MYH10: variants seen among roughly 807,000 people sequenced by gnomAD.
MYH10 encodes the protein myosin-10.
Under a neutral mutation model 257.8 loss-of-function variants are expected in MYH10, and 55 were observed. The observed-to-expected ratio is 0.21, with a 90% CI of 0.17 to 0.27. The LOEUF (loss-of-function observed/expected upper bound fraction) is 0.27. Among genes scored for constraint, MYH10 ranks in the 10% least tolerant of loss-of-function variants. The pLI, the probability that MYH10 is intolerant of heterozygous loss-of-function variation, is 1.00. For missense variants in MYH10, 1,631 were observed against 2,500.6 expected (o/e 0.65, Z 7.42); for synonymous variants, 854 against 921.7 (o/e 0.93, Z 1.33).
chr17:8,612,809 C>T (rs1268856270), intron 2 of MYH10, among the ~76,000 whole-genome samples: 3 of 151,468 alleles, frequency 2.0e-5, no homozygotes, highest in Admixed American at 6.6e-5. Flanking sequence ...GAGATTGCAC[C>T]GTTGCACTCC....
In MYH10 at chr17:8,573,506, T is replaced by C. The variant is rs189930718; in HGVS notation, c.663+3137A>G. ...AGTGGGCTGGCTTGAAGGTATCATT[T>C]GTAGGGGACGGTCAAGTTTAAGAAC... On this transcript the variant is annotated intron_variant, in intron 6 of 42. Transcript: ENST00000360416. Among the ~76,000 whole-genome samples the C allele has an allele frequency of 2.8e-3, 423 of 152,308 alleles. 1 individual carries two copies. Among genetic ancestry groups the C allele is most frequent in the African/African-American group, 9.9e-3 (411 of 41,556 alleles).
At chr17:8,568,177 A>T (rs2083223441) in intron 7 of MYH10, among the ~76,000 whole-genome samples, 1 of 152,178 alleles carries the variant, frequency 6.6e-6, no homozygotes, top group Admixed American at 6.5e-5. Context: ...GTGGCTTTCA[A>T]GTGGCACGCA....
At chr17:8,493,109 C>T in intron 32 of MYH10, 85 bp from the exon 33 acceptor site, 9 of 1,485,682 alleles carry the variant, frequency 6.1e-6, no homozygotes, top group Non-Finnish European at 8.1e-6. Flanking sequence ...CCTGTAATCC[C>T]AGCACTTTGG....
chr17:8,535,328 A>G lies in MYH10; in HGVS notation c.1894+59T>C, dbSNP rs2082113104. The G allele has an allele frequency of 1.5e-6, 2 of 1,328,880 alleles. No individual in the cohort carries two copies. The highest frequency in any genetic ancestry group is 2.9e-5 in the African/African-American group (2 of 68,254). The allele number at this position is 1,328,880 out of a possible 1,614,324, so 82.3% of individuals were successfully genotyped here. A position where few individuals can be genotyped will look rare whatever the true frequency, so the allele number is the denominator to read the frequency against. Reference sequence around the variant, plus strand: ...ATATATATGTAAAAGAACCATCTATAAACCTTAATTATAAAAGATTCCAGC... The same window carrying G: ...ATATATATGTAAAAGAACCATCTATGAACCTTAATTATAAAAGATTCCAGC... On this transcript the variant is annotated intron_variant, in intron 16 of 42. Coordinates refer to ENST00000360416, the MANE Select transcript of MYH10 (RefSeq NM_001256012.3). This position sits in a 1 kb window ranked among gnomAD's most constrained non-coding sequence, Gnocchi z 4.3.
Position 8,493,879 on chromosome 17 carries a change from G to T in MYH10, c.4063C>A (p.Leu1355Ile). The T allele has an allele frequency of 6.3e-7, 1 of 1,594,156 alleles. No individual in the cohort carries two copies. The stretch of plus-strand genomic sequence containing the variant: ...AGTTTCTGGCGTGTCTCCTCCTGAA[G>T]AAGCTCCTGTGTTTTTTTTTTAAAG... ...ESQLQDTQEL[L>I]QEETRQKLNL... The change falls in exon 32 of 43, where the codon CTT (leucine) becomes ATT (isoleucine). Residue 1355 changes from leucine (L) to isoleucine (I), a missense_variant. By Grantham distance (5) the Leu-to-Ile change is conservative. Around this residue, in one of 11 missense-constraint regions of MYH10, gnomAD observed 463 missense variants for 621.8 expected, o/e 0.74. Transcript: ENST00000360416.
rs968229177 is a variant in MYH10, at chr17:8,506,657, C to T, written c.3215-168G>A. 6.7e-6 allele frequency among the ~76,000 whole-genome samples: 1 copy of T among 148,620 alleles called. No individual in the cohort carries two copies. The highest frequency in any genetic ancestry group is 1.5e-5 in the Non-Finnish European group (1 of 66,808). ...ATGTCAACTGCTCAGTCATTTCAAA[C>T]CCACCGAGATCTGGAGGGGAGATAA... On this transcript the variant is annotated intron_variant, in intron 26 of 42. Coordinates refer to ENST00000360416, the MANE Select transcript of MYH10 (RefSeq NM_001256012.3). The surrounding 1 kb of genome is among the most constrained non-coding windows in gnomAD (Gnocchi z 5.0).
Position 8,518,781 on chromosome 17 carries a change from A to G in MYH10, c.2354T>C (p.Leu785Ser). The G allele has an allele frequency of 6.2e-7, 1 of 1,612,676 alleles. No homozygotes were observed. Among genetic ancestry groups the G allele is most frequent in the Non-Finnish European group, 8.5e-7 (1 of 1,179,642 alleles). The change falls in exon 21 of 43, where the codon TTA (leucine) becomes TCA (serine). Residue 785 changes from leucine to serine, a missense_variant. Leu to Ser is a moderately radical substitution (Grantham distance 145). Around this residue, in one of 11 missense-constraint regions of MYH10, gnomAD observed 116 missense variants for 221.6 expected, o/e 0.52. Coordinates refer to ENST00000360416, the MANE Select transcript of MYH10 (RefSeq NM_001256012.3). ...KQACERMIRA[L>S]ELDPNLYRIG... is the part of the protein sequence containing the mutation. ...TCTGTACAAGTTTGGGTCCAATTCT[A>G]AAGCCCGGATCTAAGAGAGAAAGAG...
At chr17:8,601,405 C>T (rs983333510) in intron 3 of MYH10, among the ~76,000 whole-genome samples, 1 of 152,198 alleles carries the variant, frequency 6.6e-6, no homozygotes, top group African/African-American at 2.4e-5. Context: ...GTCATGTTGC[C>T]CTATCCACCA....
chr17:8,550,228 C>T (rs1318358634), intron 9 of MYH10, among the ~76,000 whole-genome samples: 1 of 151,790 alleles, frequency 6.6e-6, no homozygotes, highest in East Asian at 1.9e-4. Context: ...GCTGCCATCC[C>T]ACCTAGGAAG....
intron 28 of MYH10, among the ~76,000 whole-genome samples, chr17:8,502,352 C>T (rs942696723): frequency 6.6e-6 from 1 of 152,232 alleles, no homozygotes; most frequent in Non-Finnish European, 1.5e-5. Flanking sequence ...CCAAGTTCCA[C>T]TGGCTCAGCC....
At chr17:8,511,049 T>TATAC (rs2081267033) in intron 24 of MYH10, 1 of 40,130 alleles carries the variant, frequency 2.5e-5, no homozygotes, top group African/African-American at 8.5e-5. Flanking sequence ...TATATATATA[T>TATAC]ATATATATAT....
Position 8,504,904 on chromosome 17 carries a change from C to A in MYH10, c.3389G>T (p.Gly1130Val). The change falls in exon 28 of 43, where the codon GGT becomes GTT. Residue 1130 changes from glycine to valine, a missense_variant and splice_region_variant. Coordinates refer to ENST00000360416, the MANE Select transcript of MYH10 (RefSeq NM_001256012.3). The surrounding 1 kb of genome is among the most constrained non-coding windows in gnomAD (Gnocchi z 5.6). ...GTTCTTATGGAGTGTTTCATCATCA[C>A]CTCTGTTAAAACACCCAGGCGCAAG... ...EEELQGALAR[G>V]DDETLHKNNA... 6.2e-7 allele frequency: 1 copy of A among 1,613,984 alleles called. No homozygotes were observed. The highest frequency in any genetic ancestry group is 8.5e-7 in the Non-Finnish European group (1 of 1,179,840).
At chr17:8,508,768 A>G (rs2151865899) in intron 25 of MYH10, 91 bp from the exon 26 acceptor site, 1 of 1,512,176 alleles carries the variant, frequency 6.6e-7, no homozygotes, top group Non-Finnish European at 9.0e-7. Context: ...TTGACTCGAG[A>G]GAAAATAAGT....
rs181656581 is a variant in MYH10 at position 8,477,781 on chromosome 17, G to A, written c.5706+557C>T. 6.6e-6 allele frequency among the ~76,000 whole-genome samples: 1 copy of A among 152,302 alleles called. No homozygotes were observed. The highest frequency in any genetic ancestry group is 1.9e-4 in the East Asian group (1 of 5,178). On this transcript the variant is annotated intron_variant, in intron 41 of 42. Coordinates refer to ENST00000360416, the MANE Select transcript of MYH10 (RefSeq NM_001256012.3). This position sits in a 1 kb window ranked among gnomAD's most constrained non-coding sequence, Gnocchi z 4.2. Reference sequence around the variant, plus strand: ...AGTGTGAAGTCTCACCAGGCAGAGGGCAGGGAGCGGGAGGGAGGGTATAGC... The same window carrying A: ...AGTGTGAAGTCTCACCAGGCAGAGGACAGGGAGCGGGAGGGAGGGTATAGC...
rs766299041 is a variant in MYH10, at chr17:8,475,807, C to G, written c.6021G>C (p.Glu2007Asp). The G allele has an allele frequency of 1.2e-6, 2 of 1,613,934 alleles. No individual in the cohort carries two copies. The highest frequency in any genetic ancestry group is 2.2e-5 in the East Asian group (1 of 44,878). The change falls in exon 43 of 43, where the codon GAG becomes GAC. Residue 2007 changes from glutamate (E) to aspartate (D), a missense_variant. This residue lies in a region of MYH10 where 343 missense variants were observed against 389.5 expected (regional missense o/e 0.88). Coordinates refer to ENST00000360416, the MANE Select transcript of MYH10 (RefSeq NM_001256012.3). ...CCTCCTCTGGCTTCCTGCAACTTTA[C>G]TCTGACTGGGGTGGCTGCGTCTCGT... ...DVNETQPPQS[E>D]
chr17:8,548,845 A>G (rs1252020795), intron 9 of MYH10, 58 bp from the exon 10 acceptor site: 2 of 1,446,836 alleles, frequency 1.4e-6, no homozygotes, highest in African/African-American at 2.8e-5. Context: ...CAACTAAGCC[A>G]TAACTGCATT....
At chr17:8,614,307 CTTTTTTTTTTTTT>C (rs35801623) in intron 2 of MYH10, among the ~76,000 whole-genome samples, 4 of 77,128 alleles carry the variant, frequency 5.2e-5, no homozygotes, top group South Asian at 4.6e-4. Context: ...CAATTCACTT[CTTTTTTTTTTTTT>C]TTTTTTTTTT....
chr17:8,478,761 T>C (rs769683411), intron 40 of MYH10, among the ~76,000 whole-genome samples: 5 of 152,200 alleles, frequency 3.3e-5, no homozygotes, highest in Admixed American at 6.5e-5. Flanking sequence ...GATGCAGTCT[T>C]GCTCTGTCGC....
At chr17:8,482,474 T>C (rs1913997678) in intron 37 of MYH10, among the ~76,000 whole-genome samples, 1 of 152,182 alleles carries the variant, frequency 6.6e-6, no homozygotes, top group African/African-American at 2.4e-5. Flanking sequence ...CCAGGCCTGA[T>C]CCCAGGGCCA....
Sources: allele counts gnomAD v4.1 joint callset (sites outside exome capture counted in the v4.1 genomes callset), GRCh38; gene constraint gnomAD v4.1.1; regional missense constraint gnomAD v4.1.1; non-coding constraint Gnocchi (gnomAD v3.1); transcripts MANE v1.5; gene names NCBI Gene and HGNC (gene_info 2026-07-23, HGNC 2026-07-21).